ETNPPL: variants seen among roughly 807,000 people sequenced by gnomAD.
The protein encoded by ETNPPL is alanine--glyoxylate aminotransferase 2-like 1.
ETNPPL carries 30 observed loss-of-function variants against 55.5 expected under a neutral mutation model. The observed-to-expected ratio is 0.54, with a 90% confidence interval of 0.40 to 0.73. The LOEUF (loss-of-function observed/expected upper bound fraction) is 0.73, where lower values mean the gene tolerates loss of function less well. Among genes scored for constraint, ETNPPL ranks in the 30% least tolerant of loss-of-function variants. ETNPPL has a pLI of 0.00. For missense variants in ETNPPL, 528 were observed against 607.9 expected (o/e 0.87, Z 1.38); for synonymous variants, 202 against 207.2 (o/e 0.98, Z 0.21).
At chr4:108,742,802 C>T (rs924318486) in intron 12 of ETNPPL, among the ~76,000 whole-genome samples, 190 bp from the exon 13 acceptor site, 2 of 152,152 alleles carry the variant, frequency 1.3e-5, no homozygotes, top group African/African-American at 2.4e-5. Context: ...ACAGAAAATC[C>T]GGGACTCCGA....
At chr4:108,753,796 G>GA (rs1560656567) in intron 5 of ETNPPL, among the ~76,000 whole-genome samples, 4,803 of 112,784 alleles carry the variant, frequency 0.043, 145 homozygotes, top group South Asian at 0.11. Flanking sequence ...AAGAAAGAAA[G>GA]AAAGAAAGAA....
Position 108,762,971 on chromosome 4 carries a change from G to C in ETNPPL, c.-73C>G. 6.8e-7 allele frequency: 1 copy of C among 1,466,756 alleles called. No homozygotes were observed. The highest frequency in any genetic ancestry group is 9.5e-7 in the Non-Finnish European group (1 of 1,052,508). 90.9% of individuals were successfully genotyped at this position (1,466,756 alleles called of 1,614,324 possible). On this transcript the variant is annotated 5_prime_UTR_variant, in exon 1 of 13. Coordinates refer to ENST00000296486, the MANE Select transcript of ETNPPL (RefSeq NM_031279.4). ...GCGCCTCCTACGCGAGCCTGGGACTGCCTTGGCGGCCCCGGCCGGCCTTCC... is the reference window on the plus strand; with the variant it reads ...GCGCCTCCTACGCGAGCCTGGGACTCCCTTGGCGGCCCCGGCCGGCCTTCC...
At chr4:108,756,363 AC>A in intron 4 of ETNPPL, 54 bp downstream of exon 4, 1 of 1,221,236 alleles carries the variant, frequency 8.2e-7, no homozygotes, top group South Asian at 1.2e-5. Flanking sequence ...TAGGATCAAT[AC>A]AATTTTGTCT....
rs1183779780 is a variant in ETNPPL, at chr4:108,759,869, T to C, written c.215A>G (p.Lys72Arg). Residue 72 changes from lysine (K) to arginine (R), a missense_variant, in exon 3 of 13, where the codon AAA becomes AGA. By Grantham distance (26) the Lys-to-Arg change is conservative. Transcript: ENST00000296486. ...ATTTGTATTTAGCAGTTCCATCTGT[T>C]TCAGGGCAGCTTTGACCACTCCTGG... ...CHPGVVKAAL[K>R]QMELLNTNSR... 1.2e-6 allele frequency: 2 copies of C among 1,614,054 alleles called. No individual in the cohort carries two copies. The highest frequency in any genetic ancestry group is 2.7e-5 in the African/African-American group (2 of 74,926).
At chr4:108,759,986 G>A (rs112909623) in intron 2 of ETNPPL, 78 bp from the exon 3 acceptor site, 6 of 1,402,450 alleles carry the variant, frequency 4.3e-6, no homozygotes, top group African/African-American at 2.9e-5. Context: ...TATGAAGCAA[G>A]CAAGCAAGCA....
In ETNPPL at chr4:108,763,000, C is replaced by A. The variant is rs1430205099; in HGVS notation, c.-102G>T. 6 of 1,103,232 alleles carry A rather than the reference C, an allele frequency of 5.4e-6. No homozygotes were observed. In the East Asian group the frequency reaches 7.3e-5, roughly 13 times the overall value. The allele number at this position is 1,103,232 out of a possible 1,614,324, so 68.3% of individuals were successfully genotyped here. ...TGGCGGCCCCGGCCGGCCTTCCTCCCGTTATCCCTCCTGGCGTTCTCTTGC... is the reference window on the plus strand; with the variant it reads ...TGGCGGCCCCGGCCGGCCTTCCTCCAGTTATCCCTCCTGGCGTTCTCTTGC... On this transcript the variant is annotated 5_prime_UTR_variant, in exon 1 of 13. Transcript: ENST00000296486.
intron 12 of ETNPPL, among the ~76,000 whole-genome samples, chr4:108,743,586 C>A (rs958293565): frequency 2.0e-5 from 3 of 152,174 alleles, no homozygotes; most frequent in Admixed American, 2.0e-4. Flanking sequence ...AAGAATGGTT[C>A]TTTGGCTTTT....
intron 5 of ETNPPL, among the ~76,000 whole-genome samples, chr4:108,754,253 C>T (rs1036070904): frequency 6.6e-6 from 1 of 152,098 alleles, no homozygotes; most frequent in Non-Finnish European, 1.5e-5. Flanking sequence ...CCTAGAACTA[C>T]AGGCACGAGC....
At chr4:108,756,371 G>T (rs1478394492) in intron 4 of ETNPPL, 47 bp downstream of exon 4, 4 of 1,320,192 alleles carry the variant, frequency 3.0e-6, no homozygotes, top group Admixed American at 1.7e-5. Context: ...ATACAATTTT[G>T]TCTCTGAAGA....
intron 3 of ETNPPL, among the ~76,000 whole-genome samples, chr4:108,757,624 T>C (rs1177443496): frequency 1.3e-5 from 2 of 152,132 alleles, no homozygotes; most frequent in African/African-American, 4.8e-5. Context: ...AATAAAGTAA[T>C]TTTTTAAATT....
intron 7 of ETNPPL, 69 bp downstream of exon 7, chr4:108,750,867 C>T: frequency 9.1e-7 from 1 of 1,098,934 alleles, no homozygotes; most frequent in Non-Finnish European, 1.4e-6. Flanking sequence ...ATCTTAGCAA[C>T]TAGTATGGCC....
At chr4:108,748,204 G>A in intron 8 of ETNPPL, 45 bp from the exon 9 acceptor site, 5 of 1,429,394 alleles carry the variant, frequency 3.5e-6, no homozygotes, top group Non-Finnish European at 4.7e-6. Flanking sequence ...CCAGTTGAAT[G>A]AGTGGTATTC....
At chr4:108,753,468 G>A (rs748289606) in intron 5 of ETNPPL, among the ~76,000 whole-genome samples, 2 of 152,048 alleles carry the variant, frequency 1.3e-5, no homozygotes, top group African/African-American at 4.8e-5. Context: ...TTGGCCAGGC[G>A]CGGTGGCTCA....
intron 3 of ETNPPL, among the ~76,000 whole-genome samples, chr4:108,759,235 G>A (rs1729384024): frequency 6.6e-6 from 1 of 150,884 alleles, no homozygotes; most frequent in African/African-American, 2.4e-5. Context: ...AGGCTGAGGT[G>A]GGTGGATCAC....
chr4:108,753,892 C>T (rs1199421111), intron 5 of ETNPPL, among the ~76,000 whole-genome samples: 4 of 151,154 alleles, frequency 2.6e-5, no homozygotes, highest in Admixed American at 6.6e-5. Context: ...TTTTCAACAA[C>T]TTGGTTGGTT....
intron 10 of ETNPPL, 110 bp from the exon 11 acceptor site, chr4:108,746,639 T>A: frequency 1.4e-6 from 2 of 1,465,370 alleles, no homozygotes; most frequent in East Asian, 4.5e-5. Context: ...GAAGCCCACA[T>A]TATAAATAGG....
chr4:108,745,860 G>A (rs1468057696), intron 11 of ETNPPL, among the ~76,000 whole-genome samples: 1 of 150,188 alleles, frequency 6.7e-6, no homozygotes, highest in Non-Finnish European at 1.5e-5. Context: ...AAACCCGGGA[G>A]GCGGAGGCTG....
Position 108,748,067 on chromosome 4 carries a change from C to A in ETNPPL, c.1020G>T (p.Gly340=). 1 of 1,611,716 alleles carries A rather than the reference C, an allele frequency of 6.2e-7. No individual in the cohort carries two copies. Among genetic ancestry groups the A allele is most frequent in the Non-Finnish European group, 8.5e-7 (1 of 1,178,830 alleles). The part of the protein sequence containing the change: ...EDLQGNAKRV[G]NYLTELLKKQ... ...TTTTCAGTAACTCAGTGAGATAATT[C>A]CCTACTCTCTTGGCATTTCCTTGAA... The change falls in exon 9 of 13, where the codon GGG becomes GGT. Residue 340 remains glycine (G), a synonymous_variant. Coordinates refer to ENST00000296486, the MANE Select transcript of ETNPPL (RefSeq NM_031279.4).
At chr4:108,760,160 C>A (rs775640362) in intron 2 of ETNPPL, 28 bp downstream of exon 2, 16 of 1,440,682 alleles carry the variant, frequency 1.1e-5, no homozygotes, top group Non-Finnish European at 2.9e-6. Flanking sequence ...ACATTTCCTC[C>A]AAAGCACTGC....
Sources: allele counts gnomAD v4.1 joint callset (sites outside exome capture counted in the v4.1 genomes callset), GRCh38; gene constraint gnomAD v4.1.1; transcripts MANE v1.5; gene names NCBI Gene and HGNC (gene_info 2026-07-23, HGNC 2026-07-21).